PPARGC1B: variants seen among roughly 807,000 people sequenced by gnomAD.
PPARGC1B encodes PPARG coactivator 1 beta.
A neutral mutation model predicts 101.6 loss-of-function variants in PPARGC1B; 34 were observed. The ratio of observed to expected loss-of-function variants is 0.33; its 90% CI spans 0.25 to 0.45. The LOEUF is 0.45. Ranked by LOEUF, PPARGC1B falls within the 20% of genes least tolerant of loss-of-function variation. PPARGC1B has a pLI of 1.00. For synonymous variants in PPARGC1B, 548 were observed against 539.3 expected, an observed-to-expected ratio of 1.02 and a Z score of -0.22; for missense variants, 1,234 against 1,317.6, an observed-to-expected ratio of 0.94 and a Z score of 0.98.
At chr5:149,857,507 C>T (rs1381666302), downstream of PPARGC1B, among the ~76,000 whole-genome samples, 1 of 152,328 alleles carries the variant, frequency 6.6e-6, no homozygotes, top group Non-Finnish European at 1.5e-5. Flanking sequence ...AACCACCAAA[C>T]GTGATGTTCT....
Position 149,845,741 on chromosome 5 carries a change from C to G in PPARGC1B, c.2817-19C>G, listed in dbSNP as rs1362930387. 6 of 1,592,198 alleles carry G rather than the reference C, an allele frequency of 3.8e-6. No homozygotes were observed. Among genetic ancestry groups the G allele is most frequent in the Non-Finnish European group, 1.7e-6 (2 of 1,166,456 alleles). On this transcript the variant is annotated intron_variant, in intron 10 of 11. Transcript: ENST00000309241. Reference sequence around the variant, plus strand: ...CCCAGCCAGCCCAATAACATACTCTCCTTGCTCCCTCCCCGCAGAGGCGAG... The same window carrying G: ...CCCAGCCAGCCCAATAACATACTCTGCTTGCTCCCTCCCCGCAGAGGCGAG...
intron 1 of PPARGC1B, among the ~76,000 whole-genome samples, chr5:149,779,364 G>A (rs1756512845): frequency 6.6e-6 from 1 of 152,136 alleles, no homozygotes; most frequent in Non-Finnish European, 1.5e-5. Context: ...CTGGGGGAGG[G>A]GCTGCCTCTT....
At chr5:149,820,157 T>C (rs114934099) in intron 1 of PPARGC1B, among the ~76,000 whole-genome samples, 188 of 152,328 alleles carry the variant, frequency 1.2e-3, no homozygotes, top group African/African-American at 4.4e-3. Flanking sequence ...AAAACAGTTC[T>C]GGTAACAGGA....
At chr5:149,803,418 C>T (rs1009667000) in intron 1 of PPARGC1B, among the ~76,000 whole-genome samples, 66 of 152,176 alleles carry the variant, frequency 4.3e-4, no homozygotes, top group African/African-American at 1.4e-3. Flanking sequence ...ATCTAATTTA[C>T]AGCATAAAGG....
intron 1 of PPARGC1B, among the ~76,000 whole-genome samples, chr5:149,740,318 C>T (rs764379239): frequency 1.3e-5 from 2 of 152,174 alleles, no homozygotes; most frequent in African/African-American, 4.8e-5. Context: ...ATAGTTGAGG[C>T]AATGTCTGTA....
chr5:149,778,011 C>A (rs1376149562), intron 1 of PPARGC1B, among the ~76,000 whole-genome samples: 1 of 114,110 alleles, frequency 8.8e-6, no homozygotes, highest in Non-Finnish European at 1.8e-5. Flanking sequence ...CTTCCCCCCC[C>A]CACAGACACA....
chr5:149,805,790 TA>T (rs1757577519), intron 1 of PPARGC1B, among the ~76,000 whole-genome samples: 2 of 152,260 alleles, frequency 1.3e-5, no homozygotes, highest in African/African-American at 4.8e-5. Context: ...TAAATAGGAA[TA>T]TGATGGGTTG....
At chr5:149,731,331 C>G (rs530493067) in intron 1 of PPARGC1B, among the ~76,000 whole-genome samples, 1 of 152,366 alleles carries the variant, frequency 6.6e-6, no homozygotes, top group African/African-American at 2.4e-5. Context: ...ACGAGGCGTG[C>G]GCGGCCCCCA....
chr5:149,739,906 T>G (rs1283260153), intron 1 of PPARGC1B: 1 of 152,302 alleles, frequency 6.6e-6, no homozygotes, highest in Non-Finnish European at 1.5e-5. Flanking sequence ...GGGCCTGGCC[T>G]GAGGTCACCC....
At chr5:149,814,497 A>C (rs1236453766) in intron 1 of PPARGC1B, among the ~76,000 whole-genome samples, 2 of 151,722 alleles carry the variant, frequency 1.3e-5, no homozygotes, top group African/African-American at 2.4e-5. Flanking sequence ...CAGAGGGGGG[A>C]GGTGACCCAA....
intron 1 of PPARGC1B, among the ~76,000 whole-genome samples, chr5:149,787,104 A>G (rs191049982): frequency 4.9e-4 from 75 of 152,336 alleles, no homozygotes; most frequent in Admixed American, 1.6e-3. Context: ...TTTCCAGCCA[A>G]TGGGAGAAAC....
chr5:149,806,509 G>A (rs558799521), intron 1 of PPARGC1B, among the ~76,000 whole-genome samples: 1 of 152,150 alleles, frequency 6.6e-6, no homozygotes, highest in South Asian at 2.1e-4. Flanking sequence ...CAGGGCAGGA[G>A]ATGCGGAAAT....
At chr5:149,818,287 C>T (rs1221541731) in intron 1 of PPARGC1B, among the ~76,000 whole-genome samples, 1 of 152,124 alleles carries the variant, frequency 6.6e-6, no homozygotes, top group East Asian at 1.9e-4. Context: ...TGTTTAATGT[C>T]ATCCTTCCCC....
chr5:149,734,580 G>A (rs1481442765), intron 1 of PPARGC1B, among the ~76,000 whole-genome samples: 1 of 151,806 alleles, frequency 6.6e-6, no homozygotes, highest in African/African-American at 2.4e-5. Context: ...GCTATTGTAA[G>A]CAATGCTAAA....
chr5:149,751,925 A>G (rs1755323491), intron 1 of PPARGC1B, among the ~76,000 whole-genome samples: 1 of 152,156 alleles, frequency 6.6e-6, no homozygotes, highest in Non-Finnish European at 1.5e-5. Flanking sequence ...TAGTTTAACT[A>G]TCTCCTCCTT....
intron 1 of PPARGC1B, among the ~76,000 whole-genome samples, chr5:149,795,380 C>T (rs146375677): frequency 1.3e-3 from 200 of 152,234 alleles, no homozygotes; most frequent in African/African-American, 4.7e-3. Context: ...GTAGTTAAAG[C>T]ATAAGGTGGG....
intron 1 of PPARGC1B, among the ~76,000 whole-genome samples, chr5:149,799,690 GTTGTTTT>G (rs1757361601): frequency 1.5e-5 from 1 of 65,070 alleles, no homozygotes; most frequent in African/African-American, 5.3e-5. Flanking sequence ...TTTGCTTGTT[GTTGTTTT>G]TTTTTTTTTT....
chr5:149,815,799 G>A (rs919433168), intron 1 of PPARGC1B, among the ~76,000 whole-genome samples: 2 of 152,096 alleles, frequency 1.3e-5, no homozygotes, highest in Non-Finnish European at 2.9e-5. Context: ...TGCCCGCCTC[G>A]GCCTCCCAAA....
At chr5:149,809,289 CATAGATAGATAGATAGATAG>C (rs202133455) in intron 1 of PPARGC1B, among the ~76,000 whole-genome samples, 1 of 12,852 alleles carries the variant, frequency 7.8e-5, no homozygotes, top group Non-Finnish European at 1.7e-4. Context: ...CCATCTCTAC[CATAGATAGATAGATAGATAG>C]ATAGATAGAT....
Sources: gnomAD v4.1 joint callset for allele counts (sites outside exome capture counted in the v4.1 genomes callset) on GRCh38, gnomAD v4.1.1 for gene constraint, MANE v1.5 for transcripts, NCBI Gene and HGNC (gene_info 2026-07-23, HGNC 2026-07-21) for gene names.